The following TH variants were observed in gnomAD, a reference collection of about 807,000 sequenced individuals.
TH encodes tyrosine 3-monooxygenase.
In TH, 49 loss-of-function variants were observed where a neutral mutation model predicts 57.4. That is an observed-to-expected ratio of 0.85 (90% CI 0.68 to 1.08). The LOEUF (loss-of-function observed/expected upper bound fraction) is 1.08, where lower values mean the gene tolerates loss of function less well. Ranked by LOEUF, TH falls within the 50% of genes least tolerant of loss-of-function variation. The pLI is 0.00. For missense variants in TH, 720 were observed against 696.7 expected (o/e 1.03, Z -0.38); for synonymous variants, 330 against 304.5 (o/e 1.08, Z -0.87).
At chr11:2,166,414 C>G in intron 9 of TH, 66 bp downstream of exon 9, 2 of 1,518,302 alleles carry the variant, frequency 1.3e-6, no homozygotes, top group South Asian at 2.4e-5. Context: ...CACATCGATC[C>G]CCGCCCGCCC....
In TH at chr11:2,164,349, C is replaced by T. The variant is rs374629948; in HGVS notation, c.1378G>A (p.Asp460Asn). The T allele has an allele frequency of 3.9e-5, 60 of 1,548,200 alleles. No individual in the cohort carries two copies. The highest frequency in any genetic ancestry group is 9.6e-5 in the East Asian group (4 of 41,590). ...ACGTCGATGGCCAGCGTGTACGGGT[C>T]GAACTTCACGGAGAAGGGGCGCTGG... ...RIQRPFSVKF[D>N]PYTLAIDVLD... Residue 460 changes from aspartate (D) to asparagine (N), a missense_variant, in exon 13 of 13, where the codon GAC becomes AAC. By Grantham distance (23) the Asp-to-Asn change is conservative. Transcript: ENST00000352909.
Position 2,164,214 on chromosome 11 carries a change from C to G in TH, c.*19G>C, listed in dbSNP as rs775762710. On this transcript the variant is annotated 3_prime_UTR_variant, in exon 13 of 13. Transcript: ENST00000352909. ...AGGACCAGGGGAGGTTGGGAAGGGC[C>G]CTCAGGGACGCCGTGCACCTAGCCA... 1.1e-5 allele frequency: 16 copies of G among 1,438,576 alleles called. No individual in the cohort carries two copies. Among genetic ancestry groups the G allele is most frequent in the Non-Finnish European group, 1.0e-5 (11 of 1,091,908 alleles). 89.1% of individuals were successfully genotyped at this position (1,438,576 alleles called of 1,614,324 possible).
At chr11:2,168,698 G>GGAGAAA (rs1846170740) in intron 2 of TH, 33 bp from the exon 3 acceptor site, 1 of 1,067,896 alleles carries the variant, frequency 9.4e-7, no homozygotes, top group Non-Finnish European at 1.3e-6. Context: ...AGAGAGAGAA[G>GGAGAAA]GAGAAAGAGA....
In TH at chr11:2,170,155, G is replaced by A. The variant is rs974625612; in HGVS notation, c.91-284C>T. ...CCTGCTCCCCACTCTGTGGCGAGCA[G>A]ACAGACAGAGACGCTGTGTCACTCA... On this transcript the variant is annotated intron_variant, in intron 1 of 12. Transcript: ENST00000352909. The surrounding 1 kb of genome is among the most constrained non-coding windows in gnomAD (Gnocchi z 6.0). Among the ~76,000 whole-genome samples the A allele has an allele frequency of 3.9e-5, 6 of 152,170 alleles. No individual in the cohort carries two copies. The highest frequency in any genetic ancestry group is 7.4e-5 in the Non-Finnish European group (5 of 68,018).
In TH at chr11:2,166,228, AG is replaced by A; in HGVS notation, c.1048-171del. 3 of 888,848 alleles carry A rather than the reference AG, an allele frequency of 3.4e-6. No individual in the cohort carries two copies. The East Asian group carries it at 7.9e-5, about 24-fold the overall frequency. The allele number at this position is 888,848 out of a possible 1,614,324, so 55.1% of individuals were successfully genotyped here. A position where few individuals can be genotyped will look rare whatever the true frequency, so the allele number is the denominator to read the frequency against. ...GCACCTCCACCGGGCCTCCTCCTCC[AG>A]GCAGCCCTCCTTGACCACATTCCTA... is the stretch of plus-strand genomic sequence containing the variant. On this transcript the variant is annotated intron_variant, in intron 9 of 12. Transcript: ENST00000352909.
At chr11:2,169,560 C>T in intron 2 of TH, 90 bp downstream of exon 2, 1 of 1,328,856 alleles carries the variant, frequency 7.5e-7, no homozygotes, top group Non-Finnish European at 1.1e-6. Flanking sequence ...TGGGCAGCTG[C>T]ACCTCTGCTA....
intron 3 of TH, 73 bp downstream of exon 3, chr11:2,168,418 C>T: frequency 6.4e-7 from 1 of 1,573,698 alleles, no homozygotes; most frequent in Non-Finnish European, 8.7e-7. Flanking sequence ...CTGTAGGGTC[C>T]CCCTGCAGGA....
chr11:2,166,968 C>G lies in TH; in HGVS notation c.760G>C (p.Ala254Pro). ...ATHACGEHLEAFALLERFSGY... is the reference protein window; with the variant it reads ...ATHACGEHLEPFALLERFSGY... Reference sequence around the variant, plus strand: ...CTGAAGCGCTCCAGCAAAGCAAAGGCCTCCAGGTGCTCCCCGCAGGCGTGC... The same window carrying G: ...CTGAAGCGCTCCAGCAAAGCAAAGGGCTCCAGGTGCTCCCCGCAGGCGTGC... The change falls in exon 7 of 13, where the codon GCC becomes CCC. Residue 254 changes from alanine to proline, a missense_variant. Physicochemically the swap from Ala to Pro is conservative, Grantham distance 27 (BLOSUM62 -1). Coordinates refer to ENST00000352909, the MANE Select transcript of TH (RefSeq NM_000360.4). 1 of 1,594,568 alleles carries G rather than the reference C, an allele frequency of 6.3e-7. No individual in the cohort carries two copies. The highest frequency in any genetic ancestry group is 8.5e-7 in the Non-Finnish European group (1 of 1,171,340).
chr11:2,166,690 A>C lies in TH; in HGVS notation c.920T>G (p.Val307Gly). The change falls in exon 8 of 13, where the codon GTG (valine) becomes GGG (glycine). Residue 307 changes from valine to glycine, a missense_variant. Val to Gly is a moderately radical substitution (Grantham distance 109). Coordinates refer to ENST00000352909, the MANE Select transcript of TH (RefSeq NM_000360.4). ...RDFLASLAFRVFQCTQYIRHA... is the reference protein window; with the variant it reads ...RDFLASLAFRGFQCTQYIRHA... ...GCGGATATACTGGGTGCACTGGAAC[A>C]CGCGGAAGGCCAGGCTGGCCAGGAA... is the stretch of plus-strand genomic sequence containing the variant. 6.4e-7 allele frequency: 1 copy of C among 1,560,536 alleles called. No homozygotes were observed. The highest frequency in any genetic ancestry group is 1.4e-5 in the African/African-American group (1 of 73,954).
chr11:2,166,845 TCCCCGGCC>T, intron 7 of TH, 34 bp downstream of exon 7: 2 of 1,583,626 alleles, frequency 1.3e-6, no homozygotes, highest in Non-Finnish European at 1.7e-6. Flanking sequence ...TGGCTGACCA[TCCCCGGCC>T]CCCCGGCTCT....
In TH at chr11:2,171,712, C is replaced by T. The variant is rs2133704107; in HGVS notation, c.75G>A (p.Gln25=). The change falls in exon 1 of 13, where the codon CAG becomes CAA. Residue 25 remains glutamine, a synonymous_variant. Transcript: ENST00000352909. This position sits in a 1 kb window ranked among gnomAD's most constrained non-coding sequence, Gnocchi z 8.6. ...RRAVSELDAK[Q]AEAIMSPRFI... ...GCCCTCTTACCATGATGGCCTCTGC[C>T]TGCTTGGCGTCCAGCTCAGACACGG... 3.1e-6 allele frequency: 5 copies of T among 1,612,584 alleles called. No individual in the cohort carries two copies. Among genetic ancestry groups the T allele is most frequent in the Non-Finnish European group, 4.2e-6 (5 of 1,179,850 alleles).
Position 2,171,543 on chromosome 11 carries a change from T to C in TH, c.90+154A>G, listed in dbSNP as rs561650520. 2.7e-6 allele frequency: 2 copies of C among 753,796 alleles called. No individual in the cohort carries two copies. Among genetic ancestry groups the C allele is most frequent in the South Asian group, 3.2e-5 (2 of 62,114 alleles). The allele number at this position is 753,796 out of a possible 1,614,324, so 46.7% of individuals were successfully genotyped here. ...AAACACCAGGCACAGGGGATGCCGCTGTGCCCAGGCCTCCACATCCACGCC... is the reference window on the plus strand; with the variant it reads ...AAACACCAGGCACAGGGGATGCCGCCGTGCCCAGGCCTCCACATCCACGCC... On this transcript the variant is annotated intron_variant, in intron 1 of 12. Coordinates refer to ENST00000352909, the MANE Select transcript of TH (RefSeq NM_000360.4). This position sits in a 1 kb window ranked among gnomAD's most constrained non-coding sequence, Gnocchi z 8.6.
intron 10 of TH, 67 bp downstream of exon 10, chr11:2,165,935 G>T: frequency 6.5e-7 from 1 of 1,530,066 alleles, no homozygotes. Flanking sequence ...TGGACGGCAA[G>T]AGGGTGAGGC....
rs1846117358 is a variant in TH, at chr11:2,167,035, G to A, written c.696-3C>T. ...TCAGCGTGGTGTAGACCTCCTTCCT[G>A]CGGGCAGCCAGGCTCAGGGCCCTCT... On this transcript the variant is annotated splice_region_variant and splice_polypyrimidine_tract_variant and intron_variant, in intron 6 of 12. Coordinates refer to ENST00000352909, the MANE Select transcript of TH (RefSeq NM_000360.4). 3 of 1,577,738 alleles carry A rather than the reference G, an allele frequency of 1.9e-6. No homozygotes were observed. Among genetic ancestry groups the A allele is most frequent in the Non-Finnish European group, 1.7e-6 (2 of 1,161,912 alleles).
At chr11:2,168,868 G>C (rs1195072926) in intron 2 of TH, 1 of 684,778 alleles carries the variant, frequency 1.5e-6, no homozygotes, top group Non-Finnish European at 2.5e-6. Context: ...CTGGCAAGTT[G>C]GATTTTGTGT....
chr11:2,164,759 G>A (rs987380236), intron 12 of TH, among the ~76,000 whole-genome samples: 3 of 152,112 alleles, frequency 2.0e-5, no homozygotes, highest in African/African-American at 4.8e-5. Flanking sequence ...GTGCATAAGA[G>A]GCTGGAGGGA....
Position 2,167,888 on chromosome 11 carries a change from C to G in TH, c.622G>C (p.Glu208Gln). Residue 208 changes from glutamate to glutamine, a missense_variant, in exon 5 of 13, where the codon GAG becomes CAG. Glu to Gln is a conservative substitution (Grantham distance 29). Coordinates refer to ENST00000352909, the MANE Select transcript of TH (RefSeq NM_000360.4). ...CACTGCCTGTACTGGAAGGCGATCT[C>G]AGCAATCAGCTTCCTGCGCTGGCGG... Reference protein sequence around the residue: ...VYRQRRKLIAEIAFQYRHGDP... With the variant: ...VYRQRRKLIAQIAFQYRHGDP... 2 of 1,609,824 alleles carry G rather than the reference C, an allele frequency of 1.2e-6. No homozygotes were observed. The highest frequency in any genetic ancestry group is 4.5e-5 in the East Asian group (2 of 44,724).
intron 2 of TH, 72 bp from the exon 3 acceptor site, chr11:2,168,737 CGGGG>C: frequency 5.6e-6 from 1 of 177,918 alleles, no homozygotes; most frequent in East Asian, 2.2e-4. Flanking sequence ...GTGGGGTGGG[CGGGG>C]AGGAGGCACA....
intron 10 of TH, 31 bp from the exon 11 acceptor site, chr11:2,165,794 A>G (rs1846073846): frequency 2.5e-6 from 4 of 1,603,838 alleles, no homozygotes; most frequent in Non-Finnish European, 2.6e-6. Flanking sequence ...ATCAGCCCAG[A>G]GACAGCTGCC....
Sources: gnomAD v4.1 joint callset for allele counts (sites outside exome capture counted in the v4.1 genomes callset) on GRCh38, gnomAD v4.1.1 for gene constraint, Gnocchi (gnomAD v3.1) non-coding constraint, MANE v1.5 for transcripts, NCBI Gene and HGNC (gene_info 2026-07-23, HGNC 2026-07-21) for gene names.